Variants in DDX54 observed in about 807,000 individuals in gnomAD.
The protein encoded by DDX54 is ATP-dependent RNA helicase DDX54.
In DDX54, 67 loss-of-function variants were observed where a neutral mutation model predicts 105.5. The ratio of observed to expected loss-of-function variants is 0.64; its 90% CI spans 0.52 to 0.78. DDX54 has a LOEUF of 0.78. DDX54 is among the 30% of genes least tolerant of loss of function. DDX54 has a pLI of 0.00. For synonymous variants in DDX54, 514 were observed against 509.9 expected (o/e 1.01, Z -0.11); for missense variants, 1,206 against 1,230.5 (o/e 0.98, Z 0.30).
intron 7 of DDX54, 140 bp from the exon 8 acceptor site, chr12:113,175,297 G>T: frequency 8.4e-7 from 1 of 1,186,920 alleles, no homozygotes. Context: ...CACTTATCAC[G>T]TGACTTCATC....
chr12:113,163,279 C>A lies in DDX54; in HGVS notation c.1939-5G>T. ...CACGACCTCTGAGAAAATGTCCTGG[C>A]AGAGCACAGACCAAGGCCCAGTGTC... On this transcript the variant is annotated splice_polypyrimidine_tract_variant and splice_region_variant and intron_variant, in intron 15 of 19. Coordinates refer to ENST00000306014, the MANE Select transcript of DDX54 (RefSeq NM_024072.4). This position sits in a 1 kb window ranked among gnomAD's most constrained non-coding sequence, Gnocchi z 5.9. The A allele has an allele frequency of 6.3e-7, 1 of 1,589,082 alleles. No homozygotes were observed. The highest frequency in any genetic ancestry group is 8.6e-7 in the Non-Finnish European group (1 of 1,163,548).
intron 9 of DDX54, 30 bp from the exon 10 acceptor site, chr12:113,174,801 T>C (rs753748758): frequency 6.2e-7 from 1 of 1,614,184 alleles, no homozygotes. Flanking sequence ...CGTGTTGGCT[T>C]ACGGGGTCCT....
rs143036023 is a variant in DDX54 at position 113,184,436 on chromosome 12, G to T, written c.174+842C>A. ...CAGTTTCCTCCTGTAGAAAAATGAA[G>T]ATGACAGTTGCTGGTGGTGTTAGCA... On this transcript the variant is annotated intron_variant, in intron 1 of 19. Transcript: ENST00000306014. 1.1e-3 allele frequency among the ~76,000 whole-genome samples: 163 copies of T among 152,316 alleles called. 4 individuals are homozygous for T. In the East Asian group the frequency reaches 0.017, roughly 16 times the overall value.
intron 1 of DDX54, among the ~76,000 whole-genome samples, chr12:113,182,510 C>A (rs759612419): frequency 1.3e-5 from 2 of 152,150 alleles, no homozygotes; most frequent in African/African-American, 2.4e-5. Flanking sequence ...CTGGGACACA[C>A]AGGCGCCTGC....
intron 1 of DDX54, 21 bp downstream of exon 1, chr12:113,185,257 G>T: frequency 1.3e-6 from 2 of 1,508,996 alleles, no homozygotes; most frequent in South Asian, 1.3e-5. Context: ...CCGAACATGC[G>T]TCCCAGCCCC....
At chr12:113,160,084 G>A (rs1478851078) in intron 19 of DDX54, among the ~76,000 whole-genome samples, 13 of 152,356 alleles carry the variant, frequency 8.5e-5, no homozygotes, top group Non-Finnish European at 2.9e-5. Flanking sequence ...GCTCGCAGCA[G>A]AAGCTGCTGT....
In DDX54 at chr12:113,172,548, G is replaced by A. The variant is rs772995518; in HGVS notation, c.1084C>T (p.Arg362Trp). 1.2e-5 allele frequency: 20 copies of A among 1,614,136 alleles called. No homozygotes were observed. The East Asian group carries it at 1.8e-4, about 14-fold the overall frequency. ...CTGTAGATGTGGGCGCAGCTCACCC[G>A]CTGGGTCGTCAGCAGCTGCTCAGAG... ...EYLTELLTTQ[R>W]VSCAHIYSAL... Residue 362 changes from arginine (R) to tryptophan (W), a missense_variant, in exon 11 of 20, where the codon CGG becomes TGG. By Grantham distance (101) the Arg-to-Trp change is moderately radical. This residue lies in a region of DDX54 where 961 missense variants were observed against 1,019.1 expected (regional missense o/e 0.94). Transcript: ENST00000306014.
rs765812398 is a variant in DDX54 at position 113,165,791 on chromosome 12, G to A, written c.1645+11C>T. On this transcript the variant is annotated intron_variant, in intron 13 of 19. Coordinates refer to ENST00000306014, the MANE Select transcript of DDX54 (RefSeq NM_024072.4). ...CCCACCTGCCACCCCCTGCCTTGTA[G>A]AAGGACTCACTGAAGAGGGGGTGCA... The A allele has an allele frequency of 2.5e-6, 4 of 1,601,010 alleles. No individual in the cohort carries two copies. The highest frequency in any genetic ancestry group is 1.3e-5 in the African/African-American group (1 of 74,920).
chr12:113,171,339 C>T (rs944623201), intron 11 of DDX54, among the ~76,000 whole-genome samples: 29 of 152,248 alleles, frequency 1.9e-4, no homozygotes, highest in South Asian at 4.1e-4. Flanking sequence ...TGGTGGCTCA[C>T]GCCTGTAATC....
chr12:113,169,746 T>C (rs1952313736), intron 12 of DDX54, 24 bp downstream of exon 12: 1 of 1,612,104 alleles, frequency 6.2e-7, no homozygotes, highest in African/African-American at 1.3e-5. Flanking sequence ...CGGGGACCCC[T>C]ATCCCCACCC....
chr12:113,172,711 T>G, intron 10 of DDX54, 148 bp from the exon 11 acceptor site: 1 of 909,368 alleles, frequency 1.1e-6, no homozygotes, highest in Non-Finnish European at 1.7e-6. Context: ...AATCCCAGCT[T>G]GCTGGGTGAT....
At chr12:113,161,862 C>T (rs1592997195) in intron 18 of DDX54, 31 bp downstream of exon 18, 1 of 1,528,112 alleles carries the variant, frequency 6.5e-7, no homozygotes, top group African/African-American at 1.4e-5. Context: ...TCCTCGGCCC[C>T]GCCCCTCCCC....
In DDX54 at chr12:113,161,367, T is replaced by C. The variant is rs141867029; in HGVS notation, c.2316A>G (p.Lys772=). 6.2e-7 allele frequency: 1 copy of C among 1,612,890 alleles called. No homozygotes were observed. The highest frequency in any genetic ancestry group is 8.5e-7 in the Non-Finnish European group (1 of 1,179,468). Reference sequence around the variant, plus strand: ...CACGATCATCAATTTTCTGTTTCTGTTTCCACTTCTGATAGCTGGGAAACC... The same window carrying C: ...CACGATCATCAATTTTCTGTTTCTGCTTCCACTTCTGATAGCTGGGAAACC... ...SYKRDLYQKW[K]QKQKIDDRDS... Residue 772 remains lysine, a synonymous_variant, in exon 19 of 20, where the codon AAA becomes AAG. Transcript: ENST00000306014.
At chr12:113,164,307 C>T in intron 14 of DDX54, 22 bp from the exon 15 acceptor site, 1 of 1,559,334 alleles carries the variant, frequency 6.4e-7, no homozygotes, top group Non-Finnish European at 8.7e-7. Flanking sequence ...ACACCCAGTC[C>T]TTTGCCCACT....
intron 5 of DDX54, chr12:113,177,368 G>T: frequency 2.5e-6 from 1 of 400,468 alleles, no homozygotes. Context: ...GTTCCAGATA[G>T]CAACAAAGCT....
chr12:113,163,039 G>T lies in DDX54; in HGVS notation c.2088C>A (p.Ser696Arg), dbSNP rs774263265. The T allele has an allele frequency of 7.5e-6, 12 of 1,609,092 alleles. No individual in the cohort carries two copies. Among genetic ancestry groups the T allele is most frequent in the Admixed American group, 1.7e-5 (1 of 59,818 alleles). ...CAAAGGCTCCCCCTTCCCCGCTGAT[G>T]CTCAGGCTGCAGAGGGAGAGTGGGA... ...PKDFDSERGL[S>R]ISGEGGAFEQ... The change falls in exon 17 of 20, where the codon AGC becomes AGA. Residue 696 changes from serine (S) to arginine (R), a missense_variant. By Grantham distance (110) the Ser-to-Arg change is moderately radical (BLOSUM62 -1). Transcript: ENST00000306014. This position sits in a 1 kb window ranked among gnomAD's most constrained non-coding sequence, Gnocchi z 5.9.
At position 113,185,426 on chromosome 12, in the gene DDX54, G is replaced by A. The variant is rs1000295980; in HGVS notation, c.26C>T (p.Ala9Val). 6 of 1,522,066 alleles carry A rather than the reference G, an allele frequency of 3.9e-6. No homozygotes were observed. The South Asian group carries it at 6.1e-5, about 16-fold the overall frequency. The allele number at this position is 1,522,066 out of a possible 1,614,324, so 94.3% of individuals were successfully genotyped here. Reference protein sequence around the residue: MAADKGPAAGPRSRAAMAQ... With the variant: MAADKGPAVGPRSRAAMAQ... ...CATGGCAGCTCGCGACCGAGGTCCA[G>A]CCGCCGGGCCCTTGTCGGCCGCCAT... The change falls in exon 1 of 20, where the codon GCT (alanine) becomes GTT (valine). Residue 9 changes from alanine to valine, a missense_variant. By Grantham distance (64) the Ala-to-Val change is moderately conservative (BLOSUM62 0). Coordinates refer to ENST00000306014, the MANE Select transcript of DDX54 (RefSeq NM_024072.4).
chr12:113,170,053 T>G, intron 11 of DDX54, 149 bp from the exon 12 acceptor site: 1 of 1,136,754 alleles, frequency 8.8e-7, no homozygotes, highest in Non-Finnish European at 1.2e-6. Context: ...GGAAGTTTAA[T>G]CCCGGTCCCT....
chr12:113,179,841 G>A, intron 3 of DDX54, 94 bp downstream of exon 3: 1 of 1,414,016 alleles, frequency 7.1e-7, no homozygotes, highest in Non-Finnish European at 1.0e-6. Context: ...CAGGAGATGT[G>A]ACAGGTGGGA....
Sources: allele counts gnomAD v4.1 joint callset (sites outside exome capture counted in the v4.1 genomes callset), GRCh38; gene constraint gnomAD v4.1.1; regional missense constraint gnomAD v4.1.1; non-coding constraint Gnocchi (gnomAD v3.1); transcripts MANE v1.5; gene names NCBI Gene and HGNC (gene_info 2026-07-23, HGNC 2026-07-21).